Variants in TCF7 observed in about 807,000 individuals in gnomAD.
The protein encoded by TCF7 is T-cell-factor-7.
A neutral mutation model predicts 46.8 loss-of-function variants in TCF7; 19 were observed. The ratio of observed to expected loss-of-function variants is 0.41; its 90% CI spans 0.28 to 0.60. TCF7 has a LOEUF of 0.60. TCF7 is among the 20% of genes least tolerant of loss of function. The probability of loss-of-function intolerance (pLI) is 0.35; values close to 1 mark genes in which losing one functional copy is unlikely to be tolerated. For synonymous variants in TCF7, 245 were observed against 213.4 expected, an observed-to-expected ratio of 1.15 and a Z score of -1.29; for missense variants, 547 against 504.6, an observed-to-expected ratio of 1.08 and a Z score of -0.81.
intron 3 of TCF7, among the ~76,000 whole-genome samples, chr5:134,132,265 G>T (rs555082328): frequency 6.6e-6 from 1 of 152,336 alleles, no homozygotes; most frequent in Admixed American, 6.5e-5. Context: ...AACTCTGCAC[G>T]GTGCTCAGAA....
intron 3 of TCF7, among the ~76,000 whole-genome samples, chr5:134,118,739 G>T (rs1294124569): frequency 2.6e-5 from 4 of 152,106 alleles, no homozygotes; most frequent in Non-Finnish European, 5.9e-5. Context: ...GGCAGTTACT[G>T]GCCTAGACCA....
chr5:134,119,154 A>C (rs948943147), intron 3 of TCF7, among the ~76,000 whole-genome samples: 17 of 152,172 alleles, frequency 1.1e-4, no homozygotes, highest in African/African-American at 3.6e-4. Flanking sequence ...CAGTGTAGTC[A>C]GTCTTGTCAT....
intron 9 of TCF7, 129 bp from the exon 10 acceptor site, chr5:134,146,095 T>G (rs1344198714): frequency 1.4e-5 from 23 of 1,599,920 alleles, no homozygotes; most frequent in African/African-American, 2.7e-5. Context: ...GACACTGACT[T>G]ACCACCCAAG....
chr5:134,142,170 T>C lies in TCF7; in HGVS notation c.636-15T>C. The C allele has an allele frequency of 8.1e-6, 13 of 1,614,024 alleles. No individual in the cohort carries two copies. The highest frequency in any genetic ancestry group is 1.1e-5 in the Non-Finnish European group (13 of 1,179,886). ...ATAATTCTTGGCTCAGTGTTAACTT[T>C]CTTCCTGCCTCCAGGTTCACCCACC... On this transcript the variant is annotated splice_polypyrimidine_tract_variant and intron_variant, in intron 5 of 9. Transcript: ENST00000342854.
At chr5:134,146,006 C>G (rs949656568) in intron 9 of TCF7, 3 of 1,488,112 alleles carry the variant, frequency 2.0e-6, no homozygotes, top group Admixed American at 5.0e-5. Flanking sequence ...GACAAAAGGC[C>G]CCTTTGCCAC....
chr5:134,108,557 G>T, the TCF7 span, among the ~76,000 whole-genome samples: 2 of 152,176 alleles, frequency 1.3e-5, no homozygotes, highest in African/African-American at 4.8e-5. Context: ...TGGAATAAGA[G>T]GGTGAGCTTT....
Position 134,143,904 on chromosome 5 carries a change from A to G in TCF7, c.1075+264A>G, listed in dbSNP as rs192210279. The G allele has an allele frequency of 1.5e-4, 68 of 462,282 alleles. No homozygotes were observed. The East Asian group carries it at 2.6e-3, about 18-fold the overall frequency. The allele number at this position is 462,282 out of a possible 1,614,324, so 28.6% of individuals were successfully genotyped here. A position where few individuals can be genotyped will look rare whatever the true frequency, so the allele number is the denominator to read the frequency against. On this transcript the variant is annotated intron_variant, in intron 9 of 9. Transcript: ENST00000342854. ...TGGTGCGTTCCTCTGCCTTGCACCCACTACCTTTGCTAGCTCCACTCACCA... is the reference window on the plus strand; with the variant it reads ...TGGTGCGTTCCTCTGCCTTGCACCCGCTACCTTTGCTAGCTCCACTCACCA...
the TCF7 span, among the ~76,000 whole-genome samples, chr5:134,109,316 C>T: frequency 6.6e-4 from 101 of 152,296 alleles, no homozygotes; most frequent in Middle Eastern, 3.4e-3. Context: ...CTCCCCAGGC[C>T]ACATAGGATT....
At chr5:134,126,275 G>A (rs571454849) in intron 3 of TCF7, among the ~76,000 whole-genome samples, 10 of 152,324 alleles carry the variant, frequency 6.6e-5, no homozygotes, top group Admixed American at 4.6e-4. Context: ...CCCAGAGCTC[G>A]CTGGCAGCCT....
At chr5:134,118,134 C>A (rs551600446) in intron 3 of TCF7, among the ~76,000 whole-genome samples, 3 of 152,228 alleles carry the variant, frequency 2.0e-5, no homozygotes, top group Non-Finnish European at 4.4e-5. Context: ...GTGAATCCAC[C>A]CCCACATTTT....
Position 134,115,943 on chromosome 5 carries a change from CAA to C in TCF7, c.353_354del (p.Lys118ArgfsTer73). ...KAPECTSGMY[K>X]ETVYSAFNLL... ...CCCCGGAGTGCACCAGCGGCATGTA[CAA>C]AGAGACCGTCTACTCCGCCTTCAAT... On this transcript the variant is annotated frameshift_variant, in exon 3 of 10. Transcript: ENST00000342854. LOFTEE classifies it high-confidence loss of function. The C allele has an allele frequency of 6.2e-7, 1 of 1,614,030 alleles. No homozygotes were observed. Among genetic ancestry groups the C allele is most frequent in the Non-Finnish European group, 8.5e-7 (1 of 1,180,030 alleles).
intron 9 of TCF7, chr5:134,145,685 C>A: frequency 1.3e-6 from 2 of 1,584,122 alleles, no homozygotes; most frequent in East Asian, 2.2e-5. Context: ...CATACATATG[C>A]ACGGTGGGAA....
At chr5:134,144,545 T>TC (rs1760384905) in intron 9 of TCF7, 1 of 501,886 alleles carries the variant, frequency 2.0e-6, no homozygotes, top group Non-Finnish European at 3.6e-6. Context: ...TTGACAGGAC[T>TC]CCCTCCCTCC....
rs1313166741 is a variant in TCF7 at position 134,146,779 on chromosome 5, T to C, written c.*476T>C. ...ACCTATGGCTGCCTGCATCTATTCT[T>C]TGTACCATCTGTCTTGCCAGCCAGA... On this transcript the variant is annotated 3_prime_UTR_variant, in exon 10 of 10. Transcript: ENST00000342854. The C allele has an allele frequency of 1.9e-6, 1 of 520,596 alleles. No individual in the cohort carries two copies. Among genetic ancestry groups the C allele is most frequent in the African/African-American group, 1.9e-5 (1 of 51,446 alleles). The allele number at this position is 520,596 out of a possible 1,614,324, so 32.2% of individuals were successfully genotyped here. A position where few individuals can be genotyped will look rare whatever the true frequency, so the allele number is the denominator to read the frequency against.
At chr5:134,122,242 G>A (rs571605494) in intron 3 of TCF7, among the ~76,000 whole-genome samples, 3 of 152,096 alleles carry the variant, frequency 2.0e-5, no homozygotes, top group South Asian at 2.1e-4. Context: ...AGGGATGGCC[G>A]GGAATTTAGG....
intron 2 of TCF7, chr5:134,115,614 C>A: frequency 7.0e-7 from 1 of 1,431,960 alleles, no homozygotes; most frequent in Non-Finnish European, 9.1e-7. Flanking sequence ...GCCATCCCCG[C>A]CTCCCCTCCT....
rs56892138 is a variant in TCF7, at chr5:134,134,795, C to T, written c.442-3264C>T. 1.0e-3 allele frequency among the ~76,000 whole-genome samples: 155 copies of T among 152,268 alleles called. 1 individual carries two copies. Among genetic ancestry groups the T allele is most frequent in the African/African-American group, 3.6e-3 (148 of 41,556 alleles). ...GGTCAGCAAGCCTAGAGCCAGGCTT[C>T]CCAACCTACCTCACATCATGGCACA... On this transcript the variant is annotated intron_variant, in intron 3 of 9. Transcript: ENST00000342854.
intron 3 of TCF7, among the ~76,000 whole-genome samples, chr5:134,122,954 G>A (rs2149289832): frequency 6.6e-6 from 1 of 152,284 alleles, no homozygotes; most frequent in South Asian, 2.1e-4. Flanking sequence ...TGCACCCTCT[G>A]ACACTGTATC....
chr5:134,132,653 G>A (rs1758302329), intron 3 of TCF7, among the ~76,000 whole-genome samples: 1 of 151,574 alleles, frequency 6.6e-6, no homozygotes, highest in Non-Finnish European at 1.5e-5. Flanking sequence ...CTGTCAGCGT[G>A]CACACAGCCT....
Sources: gnomAD v4.1 joint callset for allele counts (sites outside exome capture counted in the v4.1 genomes callset) on GRCh38, gnomAD v4.1.1 for gene constraint, MANE v1.5 for transcripts, NCBI Gene and HGNC (gene_info 2026-07-23, HGNC 2026-07-21) for gene names.